BTRC: variants seen among roughly 807,000 people sequenced by gnomAD.
BTRC encodes the protein F-box/WD repeat-containing protein 1A.
A neutral mutation model predicts 85.5 loss-of-function variants in BTRC; 42 were observed. The ratio of observed to expected loss-of-function variants is 0.49; its 90% CI spans 0.38 to 0.64. The LOEUF is 0.64. Among genes scored for constraint, BTRC ranks in the 30% least tolerant of loss-of-function variants. BTRC has a pLI of 0.00. For synonymous variants in BTRC, 255 were observed against 263.3 expected (o/e 0.97, Z 0.30); for missense variants, 594 against 743.5 (o/e 0.80, Z 2.34).
At chr10:101,518,088 A>AT (rs2062048133) in intron 4 of BTRC, among the ~76,000 whole-genome samples, 1 of 150,686 alleles carries the variant, frequency 6.6e-6, no homozygotes, top group South Asian at 2.1e-4. Context: ...AATTTTTTGT[A>AT]TTTTTAGTAG....
intron 4 of BTRC, among the ~76,000 whole-genome samples, chr10:101,497,711 C>G (rs909551537): frequency 1.3e-5 from 2 of 151,170 alleles, no homozygotes; most frequent in Admixed American, 6.6e-5. Flanking sequence ...GTCTATCAGT[C>G]AATCAACCCA....
chr10:101,369,501 A>G (rs530976014), intron 1 of BTRC, among the ~76,000 whole-genome samples: 22 of 152,300 alleles, frequency 1.4e-4, no homozygotes, highest in African/African-American at 4.1e-4. Context: ...TTACTGAAAG[A>G]TACTCCAGGC....
intron 4 of BTRC, among the ~76,000 whole-genome samples, chr10:101,519,867 C>T: frequency 6.6e-6 from 1 of 151,980 alleles, no homozygotes; most frequent in Non-Finnish European, 1.5e-5. Flanking sequence ...TGGGGTTGTG[C>T]ACCTGTAATC....
At chr10:101,367,435 A>C (rs1277778605) in intron 1 of BTRC, among the ~76,000 whole-genome samples, 2 of 152,054 alleles carry the variant, frequency 1.3e-5, no homozygotes, top group African/African-American at 4.8e-5. Context: ...GAGCTTTTTT[A>C]CTAAAGTAAA....
At chr10:101,551,049 G>A in intron 14 of BTRC, 158 bp downstream of exon 14, 1 of 596,598 alleles carries the variant, frequency 1.7e-6, no homozygotes, top group Non-Finnish European at 2.8e-6. Context: ...AGCTGCCACA[G>A]TGTGGACAGT....
rs374953066 is a variant in BTRC at position 101,400,055 on chromosome 10, TCTC to T, written c.49-30287_49-30285del. 8.5e-5 allele frequency among the ~76,000 whole-genome samples: 13 copies of T among 152,310 alleles called. No homozygotes were observed. The East Asian group carries it at 2.1e-3, about 25-fold the overall frequency. On this transcript the variant is annotated intron_variant, in intron 1 of 14. Transcript: ENST00000370187. Reference sequence around the variant, plus strand: ...GGCAATCAAATAGCCAATAACCTATTCTCCTGCTAAATTCCATAAACTGGATGG... The same window carrying T: ...GGCAATCAAATAGCCAATAACCTATTCTGCTAAATTCCATAAACTGGATGG...
At chr10:101,515,311 A>C (rs2062008922) in intron 4 of BTRC, among the ~76,000 whole-genome samples, 1 of 151,804 alleles carries the variant, frequency 6.6e-6, no homozygotes, top group South Asian at 2.1e-4. Context: ...GCTTTTCTTT[A>C]CAAATTTTAG....
chr10:101,529,362 G>T (rs1386332518), intron 6 of BTRC, among the ~76,000 whole-genome samples: 1 of 152,196 alleles, frequency 6.6e-6, no homozygotes, highest in African/African-American at 2.4e-5. Context: ...TTAGAATGTA[G>T]ATAGTATCAT....
intron 1 of BTRC, among the ~76,000 whole-genome samples, chr10:101,417,981 G>A (rs893473775): frequency 9.2e-5 from 14 of 152,198 alleles, no homozygotes; most frequent in Non-Finnish European, 1.8e-4. Context: ...GTCATTAATG[G>A]AGTCATAGAT....
At chr10:101,513,153 T>C (rs1376000370) in intron 4 of BTRC, among the ~76,000 whole-genome samples, 2 of 152,214 alleles carry the variant, frequency 1.3e-5, no homozygotes, top group Non-Finnish European at 2.9e-5. Flanking sequence ...AAAATCTGTA[T>C]TGGAGAATGG....
chr10:101,419,470 T>C (rs1452477902), intron 1 of BTRC, among the ~76,000 whole-genome samples: 3 of 152,142 alleles, frequency 2.0e-5, no homozygotes, highest in Non-Finnish European at 2.9e-5. Context: ...AGCTTATTGT[T>C]GTTGGTGGTG....
intron 3 of BTRC, among the ~76,000 whole-genome samples, chr10:101,471,966 C>G (rs531544777): frequency 6.9e-4 from 105 of 152,202 alleles, no homozygotes; most frequent in Non-Finnish European, 9.0e-4. Flanking sequence ...TTCCATGCCC[C>G]CTTTGACGTA....
intron 1 of BTRC, among the ~76,000 whole-genome samples, chr10:101,382,424 G>A (rs180877728): frequency 2.0e-5 from 3 of 152,130 alleles, no homozygotes; most frequent in Non-Finnish European, 4.4e-5. Context: ...AAGAGTTTGA[G>A]GTAGTTTTAC....
At chr10:101,537,827 C>T (rs541373821) in intron 12 of BTRC, among the ~76,000 whole-genome samples, 12 of 152,262 alleles carry the variant, frequency 7.9e-5, no homozygotes, top group Admixed American at 6.5e-4. Context: ...TTGATCTGTA[C>T]CCACCTGTCT....
Position 101,521,777 on chromosome 10 carries a change from C to T in BTRC, c.463C>T (p.His155Tyr), listed in dbSNP as rs1344972432. 3 of 1,613,898 alleles carry T rather than the reference C, an allele frequency of 1.9e-6. No individual in the cohort carries two copies. In the South Asian group the frequency reaches 3.3e-5, roughly 18 times the overall value. The change falls in exon 5 of 15, where the codon CAT (histidine) becomes TAT (tyrosine). Residue 155 changes from histidine (H) to tyrosine (Y), a missense_variant. By Grantham distance (83) the His-to-Tyr change is moderately conservative. Transcript: ENST00000370187. ...GTCAGATCAAGTGGAATTTGTGGAA[C>T]ATCTTATATCCCAAATGTGTCATTA... ...SESDQVEFVE[H>Y]LISQMCHYQH... is the part of the protein sequence containing the mutation.
intron 4 of BTRC, among the ~76,000 whole-genome samples, chr10:101,500,289 A>G (rs997560233): frequency 6.6e-6 from 1 of 152,152 alleles, no homozygotes; most frequent in Non-Finnish European, 1.5e-5. Flanking sequence ...ACTGTACGCA[A>G]TCATAACATG....
intron 1 of BTRC, among the ~76,000 whole-genome samples, chr10:101,410,310 C>G (rs1943741798): frequency 6.6e-6 from 1 of 152,038 alleles, no homozygotes; most frequent in Non-Finnish European, 1.5e-5. Context: ...TTCCCAATGA[C>G]CGCTGATGTC....
chr10:101,358,127 T>G (rs1250038067), intron 1 of BTRC, among the ~76,000 whole-genome samples: 1 of 152,214 alleles, frequency 6.6e-6, no homozygotes, highest in East Asian at 1.9e-4. Flanking sequence ...TTTTCACCTT[T>G]GAGACAGGGT....
intron 4 of BTRC, among the ~76,000 whole-genome samples, chr10:101,486,759 G>A (rs1227153782): frequency 3.9e-5 from 6 of 152,110 alleles, no homozygotes; most frequent in Admixed American, 2.6e-4. Context: ...TTTTCTTCTG[G>A]AGTTAGCATT....
Sources: allele counts gnomAD v4.1 joint callset (sites outside exome capture counted in the v4.1 genomes callset), GRCh38; gene constraint gnomAD v4.1.1; transcripts MANE v1.5; gene names NCBI Gene and HGNC (gene_info 2026-07-23, HGNC 2026-07-21).